The following CFAP77 variants were observed in gnomAD, a reference collection of about 807,000 sequenced individuals.
CFAP77 encodes the protein cilia and flagella associated protein 77.
In CFAP77, 25 loss-of-function variants were observed where a neutral mutation model predicts 31.1. The ratio of observed to expected loss-of-function variants is 0.80; its 90% CI spans 0.59 to 1.12. CFAP77 has a LOEUF of 1.12. Among genes scored for constraint, CFAP77 ranks in the 50% most tolerant of loss-of-function variants. CFAP77 has a pLI of 0.00. For missense variants in CFAP77, 377 were observed against 397.3 expected (o/e 0.95, Z 0.44); for synonymous variants, 151 against 159.9 (o/e 0.94, Z 0.42).
rs1238835269 is a variant in CFAP77, at chr9:132,455,235, T to C, written c.196-43460T>C. Among the ~76,000 whole-genome samples, 1 of 152,100 alleles carries C rather than the reference T, an allele frequency of 6.6e-6. No homozygotes were observed. Among genetic ancestry groups the C allele is most frequent in the Non-Finnish European group, 1.5e-5 (1 of 68,002 alleles). ...TTAAAAAGTGGAACTGGCTGGGTGC[T>C]GTGGCTTACACCTGTAATCCCAGCA... On this transcript the variant is annotated intron_variant, in intron 1 of 5. Coordinates refer to ENST00000393216, the MANE Select transcript of CFAP77 (RefSeq NM_001282957.2). This position sits in a 1 kb window ranked among gnomAD's most constrained non-coding sequence, Gnocchi z 4.1.
chr9:132,479,361 C>T (rs113370331), intron 1 of CFAP77, among the ~76,000 whole-genome samples: 2 of 152,158 alleles, frequency 1.3e-5, no homozygotes, highest in Admixed American at 6.5e-5. Context: ...ATCCTACCAT[C>T]GTGCATCCCA....
At chr9:132,477,360 C>G (rs2118892981) in intron 1 of CFAP77, among the ~76,000 whole-genome samples, 1 of 148,268 alleles carries the variant, frequency 6.7e-6, no homozygotes, top group East Asian at 2.0e-4. Context: ...GCCCTGGAGA[C>G]AGCGCAGTGA....
chr9:132,487,037 G>T (rs1851573758), intron 1 of CFAP77, among the ~76,000 whole-genome samples: 1 of 152,252 alleles, frequency 6.6e-6, no homozygotes, highest in South Asian at 2.1e-4. Context: ...TGGGTGGCGG[G>T]GCAGGCCTGA....
At chr9:132,518,716 G>C (rs1198005132) in intron 3 of CFAP77, among the ~76,000 whole-genome samples, 2 of 152,186 alleles carry the variant, frequency 1.3e-5, no homozygotes, top group Non-Finnish European at 1.5e-5. Context: ...GAGCTCTCCT[G>C]CCCGGCCACC....
At position 132,480,040 on chromosome 9, in the gene CFAP77, A is replaced by G. The variant is rs779056876; in HGVS notation, c.196-18655A>G. Among the ~76,000 whole-genome samples the G allele has an allele frequency of 2.6e-5, 4 of 152,124 alleles. No homozygotes were observed. Among genetic ancestry groups the G allele is most frequent in the Non-Finnish European group, 5.9e-5 (4 of 68,004 alleles). On this transcript the variant is annotated intron_variant, in intron 1 of 5. Transcript: ENST00000393216. This position sits in a 1 kb window ranked among gnomAD's most constrained non-coding sequence, Gnocchi z 5.8. ...TGACACGGATGGAGACGCGCTCCAG[A>G]TAGGAAATGGCAGAGCTGGTGGGGG...
intron 1 of CFAP77, among the ~76,000 whole-genome samples, chr9:132,423,783 A>G (rs138000167): frequency 6.6e-6 from 1 of 152,254 alleles, no homozygotes; most frequent in African/African-American, 2.4e-5. Context: ...CCAAGGCCAC[A>G]TGAAGGGTAA....
At chr9:132,442,992 G>A (rs1329451610) in intron 1 of CFAP77, among the ~76,000 whole-genome samples, 5 of 151,624 alleles carry the variant, frequency 3.3e-5, no homozygotes, top group Non-Finnish European at 7.4e-5. Flanking sequence ...GCCAACCCCT[G>A]CTAACCACTA....
rs1480650400 is a variant in CFAP77, at chr9:132,565,855, A to G, written c.733-6533A>G. On this transcript the variant is annotated intron_variant, in intron 5 of 5. Coordinates refer to ENST00000393216, the MANE Select transcript of CFAP77 (RefSeq NM_001282957.2). This position sits in a 1 kb window ranked among gnomAD's most constrained non-coding sequence, Gnocchi z 4.1. ...TCTAACAGGACCAGCTCCTTCGCCA[A>G]CCGGGATAAAGCCTCCCGCTCGCCC... Among the ~76,000 whole-genome samples the G allele has an allele frequency of 1.3e-5, 2 of 152,164 alleles. No homozygotes were observed. The highest frequency in any genetic ancestry group is 2.1e-4 in the South Asian group (1 of 4,830).
chr9:132,519,142 G>T (rs1275160880), intron 3 of CFAP77, among the ~76,000 whole-genome samples: 1 of 150,148 alleles, frequency 6.7e-6, no homozygotes, highest in African/African-American at 2.4e-5. Context: ...AATGCTCCTA[G>T]ATGGTCCGGA....
intron 1 of CFAP77, among the ~76,000 whole-genome samples, chr9:132,463,907 A>T (rs376859818): frequency 6.6e-6 from 1 of 152,212 alleles, no homozygotes; most frequent in East Asian, 1.9e-4. Flanking sequence ...CCCAGGATGC[A>T]CAAGTGTGGG....
At chr9:132,536,957 G>C (rs1368566084) in intron 3 of CFAP77, among the ~76,000 whole-genome samples, 1 of 152,088 alleles carries the variant, frequency 6.6e-6, no homozygotes, top group African/African-American at 2.4e-5. Flanking sequence ...AGTGCTCCTT[G>C]GCTGGAAATC....
At chr9:132,462,864 C>G (rs890332277) in intron 1 of CFAP77, among the ~76,000 whole-genome samples, 5 of 152,050 alleles carry the variant, frequency 3.3e-5, no homozygotes, top group Non-Finnish European at 5.9e-5. Context: ...TATACATGCA[C>G]TTTGTATGTA....
chr9:132,496,991 T>C (rs1779896405), intron 1 of CFAP77, among the ~76,000 whole-genome samples: 1 of 152,150 alleles, frequency 6.6e-6, no homozygotes. Flanking sequence ...GGGTGAGCCA[T>C]GGTGAACCCA....
At chr9:132,432,283 C>G (rs769593877) in intron 1 of CFAP77, among the ~76,000 whole-genome samples, 12 of 152,102 alleles carry the variant, frequency 7.9e-5, no homozygotes, top group Middle Eastern at 3.2e-3. Flanking sequence ...TGTGTCGTTT[C>G]AGGGACAAAG....
rs1396003966 is a variant in CFAP77, at chr9:132,440,231, A to G, written c.195+29765A>G. ...ACATGCCTGTAGTCCCAGCTACTTGAGAGGTCGAGGAGAGAGGATCGCTTG... is the reference window on the plus strand; with the variant it reads ...ACATGCCTGTAGTCCCAGCTACTTGGGAGGTCGAGGAGAGAGGATCGCTTG... On this transcript the variant is annotated intron_variant, in intron 1 of 5. Transcript: ENST00000393216. Among the ~76,000 whole-genome samples, 4 of 151,986 alleles carry G rather than the reference A, an allele frequency of 2.6e-5. No individual in the cohort carries two copies. The East Asian group carries it at 7.7e-4, about 29-fold the overall frequency.
rs185036111 is a variant in CFAP77, at chr9:132,461,014, C to T, written c.196-37681C>T. ...GTGCTGGGATTACAGGTGTGAGCCA[C>T]TGTGCCTGGCCAAAAGGGTCAATTT... On this transcript the variant is annotated intron_variant, in intron 1 of 5. Coordinates refer to ENST00000393216, the MANE Select transcript of CFAP77 (RefSeq NM_001282957.2). Among the ~76,000 whole-genome samples the T allele has an allele frequency of 2.0e-5, 3 of 152,306 alleles. No homozygotes were observed. In the East Asian group the frequency reaches 5.8e-4, roughly 29 times the overall value.
chr9:132,534,796 A>ATG (rs1852517931), intron 3 of CFAP77, among the ~76,000 whole-genome samples: 3 of 152,136 alleles, frequency 2.0e-5, no homozygotes, highest in Non-Finnish European at 4.4e-5. Flanking sequence ...ATGCATATAT[A>ATG]TCCATATGTC....
intron 1 of CFAP77, among the ~76,000 whole-genome samples, chr9:132,474,038 A>C (rs1851306642): frequency 6.6e-6 from 1 of 152,012 alleles, no homozygotes; most frequent in Non-Finnish European, 1.5e-5. Context: ...TCCTCTCCTC[A>C]CGAACCCGAG....
rs926393088 is a variant in CFAP77, at chr9:132,481,919, C to T, written c.196-16776C>T. On this transcript the variant is annotated intron_variant, in intron 1 of 5. Transcript: ENST00000393216. This position sits in a 1 kb window ranked among gnomAD's most constrained non-coding sequence, Gnocchi z 5.0. ...TCAAAACAAAAGTCACTGGAGCGGGCGTTTTCATCTGTTCTCAGGAAGGAA... is the reference window on the plus strand; with the variant it reads ...TCAAAACAAAAGTCACTGGAGCGGGTGTTTTCATCTGTTCTCAGGAAGGAA... 8.3e-5 allele frequency among the ~76,000 whole-genome samples: 11 copies of T among 133,218 alleles called. No individual in the cohort carries two copies. The highest frequency in any genetic ancestry group is 2.7e-5 in the African/African-American group (1 of 37,532). 87.4% of individuals were successfully genotyped at this position (133,218 alleles called of 152,430 possible).
Sources: allele counts gnomAD v4.1 joint callset (sites outside exome capture counted in the v4.1 genomes callset), GRCh38; gene constraint gnomAD v4.1.1; non-coding constraint Gnocchi (gnomAD v3.1); transcripts MANE v1.5; gene names NCBI Gene and HGNC (gene_info 2026-07-23, HGNC 2026-07-21).